POU2F2: variants seen among roughly 807,000 people sequenced by gnomAD.
The protein encoded by POU2F2 is POU class 2 homeobox 2, also known as POU domain, class 2, transcription factor 2.
Under a neutral mutation model 63.5 loss-of-function variants are expected in POU2F2, and 14 were observed. That is an observed-to-expected ratio of 0.22 (90% CI 0.15 to 0.34). POU2F2 has a LOEUF of 0.34. Among genes scored for constraint, POU2F2 ranks in the 10% least tolerant of loss-of-function variants. The probability of loss-of-function intolerance (pLI) is 1.00; values close to 1 mark genes in which losing one functional copy is unlikely to be tolerated. For missense variants in POU2F2, 607 were observed against 815.2 expected (o/e 0.74, Z 3.11); for synonymous variants, 306 against 348.6 (o/e 0.88, Z 1.36).
chr19:42,187,741 G>A (rs1252397119), intron 1 of POU2F2, among the ~76,000 whole-genome samples: 2 of 136,344 alleles, frequency 1.5e-5, no homozygotes, highest in Admixed American at 1.6e-4. Flanking sequence ...CGGTCTGACC[G>A]ACAGAGCGAG....
intron 7 of POU2F2, among the ~76,000 whole-genome samples, chr19:42,097,662 T>C (rs1358563725): frequency 6.6e-6 from 1 of 152,010 alleles, no homozygotes; most frequent in East Asian, 1.9e-4. Flanking sequence ...TTTTAAAAAT[T>C]AACCAAGCAT....
At chr19:42,132,224 G>A (rs555994374) in intron 1 of POU2F2, among the ~76,000 whole-genome samples, 160 bp downstream of exon 1, 22 of 152,330 alleles carry the variant, frequency 1.4e-4, no homozygotes, top group Admixed American at 1.4e-3. Context: ...AGGAGCTGTG[G>A]GGGTTAGCGG....
At chr19:42,099,690 G>A (rs369371305) in intron 6 of POU2F2, 26 bp downstream of exon 6, 9 of 1,600,290 alleles carry the variant, frequency 5.6e-6, no homozygotes, top group African/African-American at 5.4e-5. Flanking sequence ...AGGCGTCAGG[G>A]AGGCCATCTG....
intron 1 of POU2F2, among the ~76,000 whole-genome samples, chr19:42,166,465 A>G (rs1333373293): frequency 6.6e-6 from 1 of 152,186 alleles, no homozygotes; most frequent in Non-Finnish European, 1.5e-5. Context: ...CATCCCAACA[A>G]AAACCTTATT....
intron 5 of POU2F2, among the ~76,000 whole-genome samples, chr19:42,106,133 CCTCT>C (rs1219690077): frequency 6.7e-6 from 1 of 150,068 alleles, no homozygotes; most frequent in African/African-American, 2.5e-5. Flanking sequence ...ATGGAGTCTC[CCTCT>C]GTCACCCTGG....
chr19:42,191,662 G>T (rs2035076185), intron 1 of POU2F2, among the ~76,000 whole-genome samples: 1 of 152,224 alleles, frequency 6.6e-6, no homozygotes, highest in Non-Finnish European at 1.5e-5. Flanking sequence ...GCCAGGAGGG[G>T]TCTGGCAGAC....
chr19:42,178,430 G>T (rs940562680), upstream of POU2F2, among the ~76,000 whole-genome samples: 16 of 152,294 alleles, frequency 1.1e-4, no homozygotes, highest in Admixed American at 5.9e-4. Flanking sequence ...AGAGACAAAT[G>T]AAGATGTAAG....
chr19:42,117,254 G>C lies in POU2F2; in HGVS notation c.365C>G (p.Ala122Gly), dbSNP rs560232669. 2.0e-6 allele frequency: 3 copies of C among 1,477,638 alleles called. No homozygotes were observed. The highest frequency in any genetic ancestry group is 1.5e-5 in the South Asian group (1 of 67,844). The allele number at this position is 1,477,638 out of a possible 1,614,324, so 91.5% of individuals were successfully genotyped here. Reference protein sequence around the residue: ...AQLMLTGSQLAGDIQQLLQLQ... With the variant: ...AQLMLTGSQLGGDIQQLLQLQ... The stretch of plus-strand genomic sequence containing the variant: ...CATCCTTCCCCAAGTACTTACCCCA[G>C]CTAGCTGGCTGCCCGTCAACATGAG... Residue 122 changes from alanine (A) to glycine (G), a missense_variant, in exon 5 of 15, where the codon GCT (alanine) becomes GGT (glycine). Transcript: ENST00000692977. The surrounding 1 kb of genome is among the most constrained non-coding windows in gnomAD (Gnocchi z 4.4).
At position 42,114,333 on chromosome 19, in the gene POU2F2, C is replaced by T. The variant is rs958715093; in HGVS notation, c.369+2917G>A. On this transcript the variant is annotated intron_variant, in intron 5 of 14. Transcript: ENST00000692977. ...ATATTTCCTCGAGCAGATTCAGGCA[C>T]GGCTGGGGGGAGGGAAGTCATCATG... is the stretch of plus-strand genomic sequence containing the variant. Among the ~76,000 whole-genome samples the T allele has an allele frequency of 4.6e-5, 7 of 152,026 alleles. No homozygotes were observed. The East Asian group carries it at 7.7e-4, about 17-fold the overall frequency.
chr19:42,093,160 G>A (rs1228546070), intron 12 of POU2F2, among the ~76,000 whole-genome samples: 3 of 151,160 alleles, frequency 2.0e-5, no homozygotes, highest in Non-Finnish European at 4.4e-5. Flanking sequence ...ACAGACACAC[G>A]CCACCACGCC....
At chr19:42,098,169 T>G (rs1381308403) in intron 7 of POU2F2, among the ~76,000 whole-genome samples, 1 of 152,110 alleles carries the variant, frequency 6.6e-6, no homozygotes, top group Non-Finnish European at 1.5e-5. Context: ...TCCGAGCACT[T>G]TAGGAGGCCG....
rs1568960062 is a variant in POU2F2, at chr19:42,089,368, T to C, written c.*1889A>G. The C allele has an allele frequency of 6.6e-6, 1 of 152,528 alleles. No homozygotes were observed. Among genetic ancestry groups the C allele is most frequent in the Non-Finnish European group, 1.5e-5 (1 of 68,010 alleles). 9.4% of individuals were successfully genotyped at this position (152,528 alleles called of 1,614,324 possible). On this transcript the variant is annotated 3_prime_UTR_variant, in exon 15 of 15. Transcript: ENST00000692977. ...CACCCAAAAGTTGTTAAGTTTTCCTTCATCTGTTCTTTTTGCTTTCTTACT... is the reference window on the plus strand; with the variant it reads ...CACCCAAAAGTTGTTAAGTTTTCCTCCATCTGTTCTTTTTGCTTTCTTACT...
chr19:42,136,619 C>A (rs925519950), upstream of POU2F2: 1 of 152,302 alleles, frequency 6.6e-6, no homozygotes, highest in Non-Finnish European at 1.5e-5. Context: ...CCCCAAGTCA[C>A]ACAGCATGAG....
chr19:42,142,485 C>T (rs1191520610), intron 2 of POU2F2, among the ~76,000 whole-genome samples: 3 of 150,240 alleles, frequency 2.0e-5, no homozygotes, highest in South Asian at 2.1e-4. Flanking sequence ...CCACTGTGCC[C>T]GGCCAGCACT....
chr19:42,174,556 C>A (rs926067768), intron 1 of POU2F2, among the ~76,000 whole-genome samples: 4 of 151,962 alleles, frequency 2.6e-5, no homozygotes, highest in African/African-American at 9.7e-5. Flanking sequence ...ATGATGGGGA[C>A]CCCCAGTACC....
chr19:42,089,804 G>A lies in POU2F2; in HGVS notation c.*1453C>T, dbSNP rs376049079. Reference sequence around the variant, plus strand: ...GTTTGTTTCTGTTTTTTTGGTTTTCGGTTCAAAACTTTGTTGGCCTCCACA... The same window carrying A: ...GTTTGTTTCTGTTTTTTTGGTTTTCAGTTCAAAACTTTGTTGGCCTCCACA... On this transcript the variant is annotated 3_prime_UTR_variant, in exon 15 of 15. Coordinates refer to ENST00000692977, the MANE Select transcript of POU2F2 (RefSeq NM_001394376.1). 1 of 147,578 alleles carries A rather than the reference G, an allele frequency of 6.8e-6. No individual in the cohort carries two copies. The highest frequency in any genetic ancestry group is 1.5e-5 in the Non-Finnish European group (1 of 67,122). 9.1% of individuals were successfully genotyped at this position (147,578 alleles called of 1,614,324 possible). A position where few individuals can be genotyped will look rare whatever the true frequency, so the allele number is the denominator to read the frequency against.
At position 42,181,571 on chromosome 19, in the gene POU2F2, C is replaced by CATTTATTTATTT. The variant is rs143264132; in HGVS notation, c.-70+14800_-70+14811dup. ...AATTGAGTGTGTGCGTCTGAACATA[C>CATTTATTTATTT]ATTTATTTATTTATTTATTTATTTA... is the stretch of plus-strand genomic sequence containing the variant. On this transcript the variant is annotated intron_variant, in intron 1 of 5. Transcript: ENST00000532176. Among the ~76,000 whole-genome samples the CATTTATTTATTT allele has an allele frequency of 5.2e-3, 774 of 148,490 alleles. 1 individual carries two copies. Among genetic ancestry groups the CATTTATTTATTT allele is most frequent in the African/African-American group, 8.3e-3 (336 of 40,274 alleles).
chr19:42,132,257 A>AACCC, intron 1 of POU2F2, 127 bp downstream of exon 1: 2 of 1,045,144 alleles, frequency 1.9e-6, no homozygotes, highest in Non-Finnish European at 2.7e-6. Flanking sequence ...GGAGAGAGGG[A>AACCC]GTTGCTAGAG....
intron 1 of POU2F2, among the ~76,000 whole-genome samples, chr19:42,131,392 C>T (rs2033715962): frequency 6.6e-6 from 1 of 152,134 alleles, no homozygotes; most frequent in South Asian, 2.1e-4. Flanking sequence ...TATAGGACAG[C>T]ACACACCACC....
Sources: allele counts gnomAD v4.1 joint callset (sites outside exome capture counted in the v4.1 genomes callset), GRCh38; gene constraint gnomAD v4.1.1; non-coding constraint Gnocchi (gnomAD v3.1); transcripts MANE v1.5; gene names NCBI Gene and HGNC (gene_info 2026-07-23, HGNC 2026-07-21).